Variants in MSRA observed in about 807,000 individuals in gnomAD.
MSRA encodes methionine sulfoxide reductase A.
A neutral mutation model predicts 31.3 loss-of-function variants in MSRA; 54 were observed. That is an observed-to-expected ratio of 1.73 (90% confidence interval 1.39 to 2.17). The LOEUF (loss-of-function observed/expected upper bound fraction) is 2.17, where lower values mean the gene tolerates loss of function less well. Ranked by LOEUF, MSRA falls within the 30% of genes most tolerant of loss-of-function variation. The pLI is 0.00. For synonymous variants in MSRA, 169 were observed against 116.5 expected (o/e 1.45, Z -2.90); for missense variants, 507 against 300.9 (o/e 1.69, Z -5.07).
intron 5 of MSRA, among the ~76,000 whole-genome samples, chr8:10,397,603 G>C (rs1023064584): frequency 6.6e-5 from 10 of 152,218 alleles, no homozygotes; most frequent in South Asian, 4.1e-4. Context: ...CACGACGGTA[G>C]CTAAGAGAGG....
intron 5 of MSRA, among the ~76,000 whole-genome samples, chr8:10,377,388 T>C (rs1401937754): frequency 6.6e-6 from 1 of 152,270 alleles, no homozygotes; most frequent in Non-Finnish European, 1.5e-5. Context: ...CTGATATTAC[T>C]AGTAGCAGTC....
intron 1 of MSRA, among the ~76,000 whole-genome samples, chr8:10,190,072 G>T (rs935271172): frequency 3.3e-5 from 5 of 152,114 alleles, no homozygotes; most frequent in Non-Finnish European, 5.9e-5. Context: ...TGTAAGCTCT[G>T]TGATAAGCCA....
At chr8:10,268,294 C>T (rs943384139) in intron 3 of MSRA, among the ~76,000 whole-genome samples, 1 of 152,148 alleles carries the variant, frequency 6.6e-6, no homozygotes, top group Admixed American at 6.6e-5. Context: ...AATAAAATTG[C>T]TTCTGTGGGC....
At chr8:10,064,183 C>T (rs1293993040) in intron 1 of MSRA, among the ~76,000 whole-genome samples, 1 of 152,164 alleles carries the variant, frequency 6.6e-6, no homozygotes, top group South Asian at 2.1e-4. Context: ...CAGCTGCTTT[C>T]TCCTGGATAT....
At chr8:10,113,334 C>T (rs1299559015) in intron 1 of MSRA, among the ~76,000 whole-genome samples, 1 of 81,578 alleles carries the variant, frequency 1.2e-5, no homozygotes, top group Non-Finnish European at 2.3e-5. Flanking sequence ...TGTTTAAATG[C>T]TGAGCGAAAA....
At chr8:10,323,359 G>T (rs76043152) in intron 5 of MSRA, among the ~76,000 whole-genome samples, 1 of 152,118 alleles carries the variant, frequency 6.6e-6, no homozygotes, top group African/African-American at 2.4e-5. Flanking sequence ...TAGTTCTCTA[G>T]GGTACCAAGA....
chr8:10,189,120 T>C (rs1024889037), intron 1 of MSRA, among the ~76,000 whole-genome samples: 2 of 152,208 alleles, frequency 1.3e-5, no homozygotes, highest in South Asian at 4.1e-4. Context: ...TGTTATATGT[T>C]GTTATTATGT....
At chr8:10,085,162 C>T (rs538522287) in intron 1 of MSRA, among the ~76,000 whole-genome samples, 1 of 152,160 alleles carries the variant, frequency 6.6e-6, no homozygotes, top group African/African-American at 2.4e-5. Flanking sequence ...GGGGCTCTTC[C>T]TGCCCTCCTG....
At chr8:10,353,509 G>T (rs1312411093) in intron 5 of MSRA, 9 of 430,018 alleles carry the variant, frequency 2.1e-5, no homozygotes, top group Admixed American at 1.0e-4. Context: ...GTGTATCTGT[G>T]TTAGCAGTTG....
intron 5 of MSRA, among the ~76,000 whole-genome samples, chr8:10,403,712 C>T (rs1807612382): frequency 6.6e-6 from 1 of 152,214 alleles, no homozygotes; most frequent in Non-Finnish European, 1.5e-5. Flanking sequence ...AAAGTTGAAA[C>T]TGGTGTGAGA....
chr8:10,401,333 A>T (rs145421445), intron 5 of MSRA, among the ~76,000 whole-genome samples: 41 of 152,336 alleles, frequency 2.7e-4, no homozygotes, highest in African/African-American at 9.4e-4. Flanking sequence ...CACTGAGGCA[A>T]TGCAAATCAA....
intron 5 of MSRA, among the ~76,000 whole-genome samples, chr8:10,379,806 A>C (rs2129174002): frequency 6.6e-6 from 1 of 152,344 alleles, no homozygotes; most frequent in African/African-American, 2.4e-5. Flanking sequence ...GGCAGTCTGC[A>C]GGCGTGCTCC....
At chr8:10,378,988 C>T (rs1460580588) in intron 5 of MSRA, among the ~76,000 whole-genome samples, 2 of 152,226 alleles carry the variant, frequency 1.3e-5, no homozygotes, top group Non-Finnish European at 2.9e-5. Context: ...CAGCCTTGGT[C>T]CATTTGCCTG....
intron 3 of MSRA, among the ~76,000 whole-genome samples, chr8:10,297,758 C>G (rs1043489596): frequency 2.6e-5 from 4 of 152,188 alleles, no homozygotes; most frequent in African/African-American, 4.8e-5. Flanking sequence ...TTTTAAACAA[C>G]CAAGCTTCTT....
intron 2 of MSRA, among the ~76,000 whole-genome samples, chr8:10,224,093 G>A (rs916630095): frequency 6.6e-6 from 1 of 152,172 alleles, no homozygotes; most frequent in African/African-American, 2.4e-5. Context: ...TCTAAATGGT[G>A]TAGAATATGT....
intron 1 of MSRA, among the ~76,000 whole-genome samples, chr8:10,139,955 C>G (rs576996660): frequency 6.6e-6 from 1 of 152,290 alleles, no homozygotes; most frequent in African/African-American, 2.4e-5. Flanking sequence ...CGCTGGGTTT[C>G]TGGCTGAGTC....
At chr8:10,143,605 C>T (rs553500443) in intron 1 of MSRA, among the ~76,000 whole-genome samples, 9 of 152,142 alleles carry the variant, frequency 5.9e-5, no homozygotes, top group Admixed American at 3.3e-4. Flanking sequence ...TCATTTTCCC[C>T]GTTACCAGAA....
intron 1 of MSRA, among the ~76,000 whole-genome samples, chr8:10,069,352 A>G (rs1797616082): frequency 6.6e-6 from 1 of 152,240 alleles, no homozygotes; most frequent in Admixed American, 6.5e-5. Context: ...TTAGTGGGAA[A>G]GCATCTAGTT....
intron 5 of MSRA, among the ~76,000 whole-genome samples, chr8:10,352,031 A>T (rs1312534990): frequency 6.6e-6 from 1 of 152,244 alleles, no homozygotes; most frequent in Non-Finnish European, 1.5e-5. Context: ...TAAGATTTCT[A>T]TATAAAACAG....
Sources: gnomAD v4.1 joint callset for allele counts (sites outside exome capture counted in the v4.1 genomes callset) on GRCh38, gnomAD v4.1.1 for gene constraint, MANE v1.5 for transcripts, NCBI Gene and HGNC (gene_info 2026-07-23, HGNC 2026-07-21) for gene names.